Variants in PDS5A observed in about 807,000 individuals in gnomAD.
PDS5A encodes PDS5 cohesin associated factor A.
PDS5A carries 42 observed loss-of-function variants against 167.1 expected under a neutral mutation model. The observed-to-expected ratio is 0.25, with a 90% CI of 0.20 to 0.33. PDS5A has a LOEUF of 0.33. Ranked by LOEUF, PDS5A falls within the 10% of genes least tolerant of loss-of-function variation. The pLI, the probability that PDS5A is intolerant of heterozygous loss-of-function variation, is 1.00. For synonymous variants in PDS5A, 553 were observed against 554.6 expected, an observed-to-expected ratio of 1.00 and a Z score of 0.04; for missense variants, 1,033 against 1,605.9, an observed-to-expected ratio of 0.64 and a Z score of 6.10.
intron 2 of PDS5A, among the ~76,000 whole-genome samples, chr4:39,947,386 G>A (rs1727878926): frequency 6.6e-6 from 1 of 151,846 alleles, no homozygotes; most frequent in Admixed American, 6.6e-5. Flanking sequence ...GGAGGCGGAG[G>A]CTGCAGTGAG....
intron 23 of PDS5A, among the ~76,000 whole-genome samples, chr4:39,864,851 A>G (rs985394849): frequency 6.6e-6 from 1 of 152,230 alleles, no homozygotes; most frequent in Non-Finnish European, 1.5e-5. Context: ...ACTATATTAT[A>G]TGATATCCAG....
intron 14 of PDS5A, 125 bp downstream of exon 14, chr4:39,900,301 T>C (rs769562381): frequency 2.2e-5 from 14 of 624,042 alleles, no homozygotes; most frequent in Non-Finnish European, 3.1e-5. Context: ...ACAGAAATTA[T>C]ATTTAACTGA....
At chr4:39,976,918 TG>T (rs1731161884) in intron 1 of PDS5A, among the ~76,000 whole-genome samples, 1 of 152,072 alleles carries the variant, frequency 6.6e-6, no homozygotes, top group African/African-American at 2.4e-5. Flanking sequence ...GTCCGAAGTT[TG>T]GCGGCCCCGG....
intron 28 of PDS5A, 119 bp from the exon 29 acceptor site, chr4:39,845,999 C>A: frequency 2.4e-6 from 2 of 821,622 alleles, no homozygotes; most frequent in Non-Finnish European, 3.2e-6. Context: ...TACACTTGTG[C>A]TAACACATAT....
chr4:39,931,250 G>C (rs1226245320), intron 2 of PDS5A, among the ~76,000 whole-genome samples: 1 of 151,996 alleles, frequency 6.6e-6, no homozygotes, highest in African/African-American at 2.4e-5. Flanking sequence ...CACCACACCT[G>C]GCTAGGTTTT....
At chr4:39,941,393 T>C (rs145190946) in intron 2 of PDS5A, among the ~76,000 whole-genome samples, 111 of 152,358 alleles carry the variant, frequency 7.3e-4, no homozygotes, top group African/African-American at 2.6e-3. Context: ...CTAACTTTTA[T>C]ATTAAAATGG....
chr4:39,864,507 T>C (rs1012700381), intron 23 of PDS5A, among the ~76,000 whole-genome samples: 2 of 152,240 alleles, frequency 1.3e-5, no homozygotes, highest in African/African-American at 4.8e-5. Context: ...GGAGTCTTTC[T>C]ACTTCGACTT....
intron 2 of PDS5A, chr4:39,933,292 C>G (rs1450380034): frequency 6.6e-6 from 1 of 152,122 alleles, no homozygotes; most frequent in East Asian, 1.9e-4. Flanking sequence ...TATGTATTGT[C>G]AAGAATGGTG....
chr4:39,846,009 T>C, intron 28 of PDS5A, 129 bp from the exon 29 acceptor site: 7 of 758,934 alleles, frequency 9.2e-6, no homozygotes, highest in Non-Finnish European at 1.2e-5. Context: ...CTAACACATA[T>C]ACCAATTTAT....
intron 29 of PDS5A, 97 bp from the exon 30 acceptor site, chr4:39,844,898 T>G (rs1717452127): frequency 5.6e-6 from 7 of 1,247,248 alleles, no homozygotes; most frequent in Non-Finnish European, 7.5e-6. Context: ...TATTGTTAAG[T>G]GCTAATTAGT....
At chr4:39,826,184 G>GT (rs34109809) in intron 32 of PDS5A, among the ~76,000 whole-genome samples, 389 of 142,874 alleles carry the variant, frequency 2.7e-3, no homozygotes, top group Middle Eastern at 7.1e-3. Flanking sequence ...AAACTGGCGT[G>GT]TTTTTTTTTT....
Position 39,825,449 on chromosome 4 carries a change from G to A in PDS5A, c.*36C>T. 1 of 1,566,172 alleles carries A rather than the reference G, an allele frequency of 6.4e-7. No homozygotes were observed. The highest frequency in any genetic ancestry group is 1.8e-5 in the Admixed American group (1 of 54,632). ...TTTGCAGAAGCTGGAGCCTGCTTCTGTTTGGCCTTCATTTTCTCCCTTTGC... is the reference window on the plus strand; with the variant it reads ...TTTGCAGAAGCTGGAGCCTGCTTCTATTTGGCCTTCATTTTCTCCCTTTGC... On this transcript the variant is annotated 3_prime_UTR_variant, in exon 33 of 33. Transcript: ENST00000303538.
At chr4:39,862,697 A>C (rs1719099505) in intron 25 of PDS5A, among the ~76,000 whole-genome samples, 172 bp downstream of exon 25, 1 of 152,184 alleles carries the variant, frequency 6.6e-6, no homozygotes, top group African/African-American at 2.4e-5. Context: ...TGCAGCATAA[A>C]TAGGACTCAG....
chr4:39,937,078 T>C (rs75386453), intron 2 of PDS5A, among the ~76,000 whole-genome samples: 3,737 of 152,250 alleles, frequency 0.025, 154 homozygotes, highest in East Asian at 0.18. Flanking sequence ...CCCTGAGCTT[T>C]AGTGTTCACA....
intron 16 of PDS5A, among the ~76,000 whole-genome samples, chr4:39,895,120 G>A (rs76604211): frequency 0.24 from 36,465 of 150,818 alleles, 4,863 homozygotes; most frequent in East Asian, 0.44. Flanking sequence ...CCAGCTACTC[G>A]GGAGGCTGAG....
intron 5 of PDS5A, among the ~76,000 whole-genome samples, chr4:39,923,708 T>G (rs1725221934): frequency 6.7e-6 from 1 of 148,180 alleles, no homozygotes; most frequent in South Asian, 2.2e-4. Context: ...TCTGCTTACA[T>G]GCCCCAGATT....
chr4:39,884,951 T>A (rs1721285050), intron 17 of PDS5A, among the ~76,000 whole-genome samples: 1 of 152,004 alleles, frequency 6.6e-6, no homozygotes, highest in Non-Finnish European at 1.5e-5. Context: ...TGATTTTATA[T>A]TAACCCCAAT....
intron 31 of PDS5A, 83 bp downstream of exon 31, chr4:39,841,865 G>A (rs1717055532): frequency 1.4e-6 from 1 of 732,312 alleles, no homozygotes; most frequent in Non-Finnish European, 2.4e-6. Context: ...GCATTGAAGT[G>A]TTGGCTGTAG....
rs1461192181 is a variant in PDS5A at position 39,876,918 on chromosome 4, G to A, written c.2153+75C>T. ...TTCTTCCCTCCTATCTTCCTACACA[G>A]AAGGAAAACAATGATTTTATGGTTC... On this transcript the variant is annotated intron_variant, in intron 19 of 32. Transcript: ENST00000303538. The A allele has an allele frequency of 3.5e-6, 4 of 1,131,788 alleles. No individual in the cohort carries two copies. In the Admixed American group the frequency reaches 7.3e-5, roughly 21 times the overall value. The allele number at this position is 1,131,788 out of a possible 1,614,324, so 70.1% of individuals were successfully genotyped here.
Sources: allele counts gnomAD v4.1 joint callset (sites outside exome capture counted in the v4.1 genomes callset), GRCh38; gene constraint gnomAD v4.1.1; transcripts MANE v1.5; gene names NCBI Gene and HGNC (gene_info 2026-07-23, HGNC 2026-07-21).